The following ZNF446 variants were observed in gnomAD, a reference collection of about 807,000 sequenced individuals.
ZNF446 encodes zinc finger protein with KRAB and SCAN domains 20.
Under a neutral mutation model 34.0 loss-of-function variants are expected in ZNF446, and 42 were observed. The observed-to-expected ratio is 1.23, with a 90% CI of 0.96 to 1.60. The LOEUF (loss-of-function observed/expected upper bound fraction) is 1.60, where lower values mean the gene tolerates loss of function less well. ZNF446 is among the 40% of genes most tolerant of loss of function. The pLI is 0.00. For missense variants in ZNF446, 650 were observed against 600.2 expected, an observed-to-expected ratio of 1.08 and a Z score of -0.87; for synonymous variants, 315 against 251.0, an observed-to-expected ratio of 1.25 and a Z score of -2.41.
In ZNF446 at chr19:58,479,766, G is replaced by A. The variant is rs747892440; in HGVS notation, c.712+39G>A. The A allele has an allele frequency of 1.3e-5, 21 of 1,596,408 alleles. No homozygotes were observed. The African/African-American group carries it at 2.1e-4, about 16-fold the overall frequency. On this transcript the variant is annotated intron_variant, in intron 5 of 6. Transcript: ENST00000594369. ...AGCCCCACCCCGCCCCTCTCCCTGG[G>A]GCCTGCACCCACCCTGCAGCAGGCC...
In ZNF446 at chr19:58,480,239, C is replaced by T; in HGVS notation, c.866C>T (p.Ala289Val). 1 of 1,588,334 alleles carries T rather than the reference C, an allele frequency of 6.3e-7. No individual in the cohort carries two copies. Among genetic ancestry groups the T allele is most frequent in the Non-Finnish European group, 8.5e-7 (1 of 1,172,610 alleles). Reference sequence around the variant, plus strand: ...CAGCCGCCCCAGGGCCCAGGGCCGGCAGCCTGGGAGGGCTTGTCTGGGGCT... The same window carrying T: ...CAGCCGCCCCAGGGCCCAGGGCCGGTAGCCTGGGAGGGCTTGTCTGGGGCT... The part of the protein sequence containing the change: ...EAQPPQGPGP[A>V]AWEGLSGAAT... Residue 289 changes from alanine (A) to valine (V), a missense_variant, in exon 7 of 7, where the codon GCA (alanine) becomes GTA (valine). By Grantham distance (64) the Ala-to-Val change is moderately conservative (BLOSUM62 0). Coordinates refer to ENST00000594369, the MANE Select transcript of ZNF446 (RefSeq NM_017908.4). This position sits in a 1 kb window ranked among gnomAD's most constrained non-coding sequence, Gnocchi z 7.2.
the ZNF446 span, among the ~76,000 whole-genome samples, chr19:58,488,840 G>C: frequency 1.3e-4 from 15 of 117,144 alleles, no homozygotes; most frequent in Admixed American, 9.0e-4. Context: ...GACAGAGCAA[G>C]ACTCCGTCAA....
chr19:58,477,268 C>T lies in ZNF446; in HGVS notation c.50C>T (p.Thr17Ile). Residue 17 changes from threonine (T) to isoleucine (I), a missense_variant, in exon 2 of 7, where the codon ACC becomes ATC. Thr to Ile is a moderately conservative substitution (Grantham distance 89). Coordinates refer to ENST00000594369, the MANE Select transcript of ZNF446 (RefSeq NM_017908.4). ...PPCLPVMDPE[T>I]TLEEPETARL... is the part of the protein sequence containing the mutation. Reference sequence around the variant, plus strand: ...TGCCTGCCCGTCATGGACCCAGAGACCACCCTTGAGGAGCCTGAGACTGCC... The same window carrying T: ...TGCCTGCCCGTCATGGACCCAGAGATCACCCTTGAGGAGCCTGAGACTGCC... The T allele has an allele frequency of 1.9e-6, 3 of 1,606,598 alleles. No individual in the cohort carries two copies. The highest frequency in any genetic ancestry group is 2.6e-6 in the Non-Finnish European group (3 of 1,175,458).
In ZNF446 at chr19:58,476,430, T is replaced by G. The variant is rs184186967; in HGVS notation, c.-115T>G. ...AACGCCTCCCTCTTGCCTTCCCCTTTTGGGGACAGATCCCGAAGTTCGAGC... is the reference window on the plus strand; with the variant it reads ...AACGCCTCCCTCTTGCCTTCCCCTTGTGGGGACAGATCCCGAAGTTCGAGC... On this transcript the variant is annotated 5_prime_UTR_variant, in exon 1 of 7. Transcript: ENST00000594369. 1 of 152,424 alleles carries G rather than the reference T, an allele frequency of 6.6e-6. No homozygotes were observed. The highest frequency in any genetic ancestry group is 1.5e-5 in the Non-Finnish European group (1 of 68,094). The allele number at this position is 152,424 out of a possible 1,614,324, so 9.4% of individuals were successfully genotyped here.
Position 58,479,926 on chromosome 19 carries a change from G to A in ZNF446, c.713-4G>A, listed in dbSNP as rs764539230. 2 of 1,568,728 alleles carry A rather than the reference G, an allele frequency of 1.3e-6. No individual in the cohort carries two copies. Among genetic ancestry groups the A allele is most frequent in the Non-Finnish European group, 8.6e-7 (1 of 1,160,232 alleles). ...ATGCCTAACTGTGCCCCCCACCCGG[G>A]CAGGGTTACCGCCCCACCAGCCAGA... On this transcript the variant is annotated splice_region_variant and splice_polypyrimidine_tract_variant and intron_variant, in intron 5 of 6. Transcript: ENST00000594369.
Position 58,481,026 on chromosome 19 carries a change from C to T in ZNF446, c.*300C>T. 2.4e-6 allele frequency: 1 copy of T among 421,564 alleles called. No individual in the cohort carries two copies. Among genetic ancestry groups the T allele is most frequent in the South Asian group, 3.5e-5 (1 of 28,890 alleles). 26.1% of individuals were successfully genotyped at this position (421,564 alleles called of 1,614,324 possible). ...GCTCCCTCCCTCCCTGTGACATGGCCTGGGCTGACAACACTCCCTCTCCTG... is the reference window on the plus strand; with the variant it reads ...GCTCCCTCCCTCCCTGTGACATGGCTTGGGCTGACAACACTCCCTCTCCTG... On this transcript the variant is annotated 3_prime_UTR_variant, in exon 7 of 7. Coordinates refer to ENST00000594369, the MANE Select transcript of ZNF446 (RefSeq NM_017908.4).
At chr19:58,489,395 CTG>C in the ZNF446 span, among the ~76,000 whole-genome samples, 1 of 152,166 alleles carries the variant, frequency 6.6e-6, no homozygotes, top group African/African-American at 2.4e-5. Flanking sequence ...AGCTTCGACT[CTG>C]TATGATCTCA....
In ZNF446 at chr19:58,477,845, C is replaced by A. The variant is rs752456456; in HGVS notation, c.532+19C>A. On this transcript the variant is annotated intron_variant, in intron 3 of 6. Transcript: ENST00000594369. ...GAAGTGGGTGAGGTTGGGGTCCCACCAGAGATGAGGGACTCCTGGAGGAAG... is the reference window on the plus strand; with the variant it reads ...GAAGTGGGTGAGGTTGGGGTCCCACAAGAGATGAGGGACTCCTGGAGGAAG... The A allele has an allele frequency of 6.6e-7, 1 of 1,519,354 alleles. No individual in the cohort carries two copies. The highest frequency in any genetic ancestry group is 1.8e-4 in the Middle Eastern group (1 of 5,648). 94.1% of individuals were successfully genotyped at this position (1,519,354 alleles called of 1,614,324 possible).
downstream of ZNF446, among the ~76,000 whole-genome samples, chr19:58,482,017 A>G (rs2053144017): frequency 6.6e-6 from 1 of 151,902 alleles, no homozygotes; most frequent in Non-Finnish European, 1.5e-5. Context: ...GATGGTCTCG[A>G]TCTCCTGACC....
chr19:58,487,056 G>A, the ZNF446 span, among the ~76,000 whole-genome samples: 1 of 152,030 alleles, frequency 6.6e-6, no homozygotes, highest in Non-Finnish European at 1.5e-5. Flanking sequence ...CTCCCAAAGT[G>A]CTGGGATTAC....
Position 58,477,727 on chromosome 19 carries a change from G to GAGTCCCCTGGGGAA in ZNF446, c.434_447dup (p.Gly150SerfsTer12). On this transcript the variant is annotated frameshift_variant, in exon 3 of 7. Transcript: ENST00000594369. LOFTEE classifies it high-confidence loss of function. ...GAGCCCCCACCCCTCAGGGACAGTG[G>GAGTCCCCTGGGGAA]AGTCCCCTGGGGAAGGTCCCCAGGA... is the stretch of plus-strand genomic sequence containing the variant. 1 of 1,613,760 alleles carries GAGTCCCCTGGGGAA rather than the reference G, an allele frequency of 6.2e-7. No individual in the cohort carries two copies. The highest frequency in any genetic ancestry group is 8.5e-7 in the Non-Finnish European group (1 of 1,179,906).
At chr19:58,479,873 G>A (rs895994334) in intron 5 of ZNF446, 57 bp from the exon 6 acceptor site, 59 of 1,424,966 alleles carry the variant, frequency 4.1e-5, no homozygotes, top group East Asian at 4.9e-5. Flanking sequence ...TACCAGAACC[G>A]ACCCCACCCC....
Position 58,481,140 on chromosome 19 carries a change from C to G in ZNF446, c.*414C>G, listed in dbSNP as rs1262073541. On this transcript the variant is annotated 3_prime_UTR_variant, in exon 7 of 7. Coordinates refer to ENST00000594369, the MANE Select transcript of ZNF446 (RefSeq NM_017908.4). ...GGGCCTGAGGTCTCAGTGTGGAGAG[C>G]AGCAGAAGACCCAGGAAAGCACAGT... 1 of 187,958 alleles carries G rather than the reference C, an allele frequency of 5.3e-6. No individual in the cohort carries two copies. Among genetic ancestry groups the G allele is most frequent in the Non-Finnish European group, 1.1e-5 (1 of 89,890 alleles). The allele number at this position is 187,958 out of a possible 1,614,324, so 11.6% of individuals were successfully genotyped here. A position where few individuals can be genotyped will look rare whatever the true frequency, so the allele number is the denominator to read the frequency against.
downstream of ZNF446, among the ~76,000 whole-genome samples, chr19:58,483,281 T>A (rs1280975934): frequency 6.6e-6 from 1 of 151,802 alleles, no homozygotes; most frequent in Non-Finnish European, 1.5e-5. Flanking sequence ...CCACTTGGAG[T>A]TCGACACCAG....
chr19:58,477,639 C>G lies in ZNF446; in HGVS notation c.345C>G (p.Ile115Met). The G allele has an allele frequency of 1.2e-6, 2 of 1,613,784 alleles. No individual in the cohort carries two copies. Among genetic ancestry groups the G allele is most frequent in the Admixed American group, 3.3e-5 (2 of 60,034 alleles). ...QHDPGQLLGW[I>M]TAHVLKQEVL... is the part of the protein sequence containing the mutation. ...TGTGACCTACCTCTTCTCCTCAGATCACAGCCCATGTCCTGAAGCAGGAGG... is the reference window on the plus strand; with the variant it reads ...TGTGACCTACCTCTTCTCCTCAGATGACAGCCCATGTCCTGAAGCAGGAGG... Residue 115 changes from isoleucine (I) to methionine (M), a missense_variant and splice_region_variant, in exon 3 of 7, where the codon ATC becomes ATG. Ile to Met is a conservative substitution (Grantham distance 10, BLOSUM62 1). Coordinates refer to ENST00000594369, the MANE Select transcript of ZNF446 (RefSeq NM_017908.4).
chr19:58,482,702 C>T (rs866628275), downstream of ZNF446, among the ~76,000 whole-genome samples: 1 of 152,280 alleles, frequency 6.6e-6, no homozygotes, highest in East Asian at 1.9e-4. Flanking sequence ...CCTTCTAACC[C>T]GTTGCTCCCA....
Position 58,480,717 on chromosome 19 carries a change from G to A in ZNF446, c.1344G>A (p.Glu448=). 1.2e-6 allele frequency: 2 copies of A among 1,603,300 alleles called. No individual in the cohort carries two copies. The highest frequency in any genetic ancestry group is 1.7e-6 in the Non-Finnish European group (2 of 1,178,834). The part of the protein sequence containing the change: ...LVIHRKGHRP[E]VP The stretch of plus-strand genomic sequence containing the variant: ...TCCACCGCAAGGGCCACCGGCCGGA[G>A]GTTCCATGAGCAGCCAGACAGCACA... Residue 448 remains glutamate (E), a synonymous_variant, in exon 7 of 7, where the codon GAG becomes GAA. Coordinates refer to ENST00000594369, the MANE Select transcript of ZNF446 (RefSeq NM_017908.4). This position sits in a 1 kb window ranked among gnomAD's most constrained non-coding sequence, Gnocchi z 7.2.
chr19:58,477,294 C>A lies in ZNF446; in HGVS notation c.76C>A (p.Arg26Ser). Reference sequence around the variant, plus strand: ...CACCCTTGAGGAGCCTGAGACTGCCCGCCTCCGCTTCCGAGGGTTCTGCTA... The same window carrying A: ...CACCCTTGAGGAGCCTGAGACTGCCAGCCTCCGCTTCCGAGGGTTCTGCTA... Reference protein sequence around the residue: ...ETTLEEPETARLRFRGFCYQE... With the variant: ...ETTLEEPETASLRFRGFCYQE... Residue 26 changes from arginine to serine, a missense_variant, in exon 2 of 7, where the codon CGC becomes AGC. Transcript: ENST00000594369. The A allele has an allele frequency of 6.2e-7, 1 of 1,612,700 alleles. No homozygotes were observed. Among genetic ancestry groups the A allele is most frequent in the South Asian group, 1.1e-5 (1 of 91,042 alleles).
At chr19:58,476,751 G>A (rs531086616) in intron 1 of ZNF446, among the ~76,000 whole-genome samples, 3 of 152,086 alleles carry the variant, frequency 2.0e-5, no homozygotes, top group Non-Finnish European at 1.5e-5. Flanking sequence ...TGTGGAGGGC[G>A]ACTCGTCCCC....
Sources: allele counts gnomAD v4.1 joint callset (sites outside exome capture counted in the v4.1 genomes callset), GRCh38; gene constraint gnomAD v4.1.1; non-coding constraint Gnocchi (gnomAD v3.1); transcripts MANE v1.5; gene names NCBI Gene and HGNC (gene_info 2026-07-23, HGNC 2026-07-21).